Variants in PTPRD observed in about 807,000 individuals in gnomAD.
The protein encoded by PTPRD is protein tyrosine phosphatase receptor type D, also known as receptor-type tyrosine-protein phosphatase delta.
Under a neutral mutation model 214.5 loss-of-function variants are expected in PTPRD, and 34 were observed. The observed-to-expected ratio is 0.16, with a 90% CI of 0.12 to 0.21. The LOEUF is 0.21. PTPRD is among the 10% of genes least tolerant of loss of function. The probability of loss-of-function intolerance (pLI) is 1.00; values close to 1 mark genes in which losing one functional copy is unlikely to be tolerated. For missense variants in PTPRD, 2,545 were observed against 2,398.7 expected (o/e 1.06, Z -1.27); for synonymous variants, 1,128 against 845.7 (o/e 1.33, Z -5.79).
intron 3 of PTPRD, among the ~76,000 whole-genome samples, chr9:10,324,076 T>G (rs1302320306): frequency 1.3e-5 from 2 of 152,058 alleles, no homozygotes; most frequent in African/African-American, 4.8e-5. Flanking sequence ...TTTCTTTAAA[T>G]AAAGCAAACC....
intron 10 of PTPRD, among the ~76,000 whole-genome samples, chr9:9,024,315 G>A (rs1481632918): frequency 1.4e-5 from 2 of 146,376 alleles, no homozygotes; most frequent in Non-Finnish European, 3.0e-5. Context: ...TAGACCTGTC[G>A]AAAAGGCTAT....
chr9:10,607,690 G>T (rs2079824100), intron 2 of PTPRD, among the ~76,000 whole-genome samples: 1 of 150,236 alleles, frequency 6.7e-6, no homozygotes, highest in African/African-American at 2.4e-5. Context: ...TTTCCTAGAA[G>T]AAAAAAAAAG....
intron 3 of PTPRD, among the ~76,000 whole-genome samples, chr9:10,328,598 G>T (rs549818533): frequency 6.6e-6 from 1 of 151,838 alleles, no homozygotes; most frequent in South Asian, 2.1e-4. Flanking sequence ...GTTTTCCCGA[G>T]ACTTTGAATG....
In PTPRD at chr9:10,329,759, A is replaced by C. The variant is rs147728723; in HGVS notation, c.-545+11204T>G. Among the ~76,000 whole-genome samples, 1,262 of 152,018 alleles carry C rather than the reference A, an allele frequency of 8.3e-3. 6 individuals carry two copies. The highest frequency in any genetic ancestry group is 0.011 in the Non-Finnish European group (751 of 67,884). ...ACTTACTACAGTGATATTCTTTCAC[A>C]ATATTGAGTTCATGCTACATATGCC... On this transcript the variant is annotated intron_variant, in intron 3 of 45. Coordinates refer to ENST00000381196, the MANE Select transcript of PTPRD (RefSeq NM_002839.4).
At position 8,601,679 on chromosome 9, in the gene PTPRD, T is replaced by C. The variant is rs569318878; in HGVS notation, c.352+31638A>G. On this transcript the variant is annotated intron_variant, in intron 14 of 45. Coordinates refer to ENST00000381196, the MANE Select transcript of PTPRD (RefSeq NM_002839.4). ...CAAGTCTCCAAGAACCACTGTGCTA[T>C]TGGGGTTGGGATGCTACTGATGGCA... Among the ~76,000 whole-genome samples the C allele has an allele frequency of 1.1e-3, 164 of 152,310 alleles. 3 individuals are homozygous for C. The highest frequency in any genetic ancestry group is 3.8e-3 in the African/African-American group (157 of 41,574).
At chr9:10,467,391 C>T (rs1218274891) in intron 2 of PTPRD, among the ~76,000 whole-genome samples, 1 of 152,050 alleles carries the variant, frequency 6.6e-6, no homozygotes, top group Non-Finnish European at 1.5e-5. Context: ...ATGATGATAA[C>T]CAAAATTATT....
At chr9:10,521,657 C>T (rs1204829838) in intron 2 of PTPRD, among the ~76,000 whole-genome samples, 1 of 152,086 alleles carries the variant, frequency 6.6e-6, no homozygotes, top group Non-Finnish European at 1.5e-5. Flanking sequence ...CACAGCCATC[C>T]ACCCTAACCT....
chr9:9,400,092 GT>G (rs3048790), intron 8 of PTPRD, among the ~76,000 whole-genome samples: 6,164 of 100,936 alleles, frequency 0.061, 225 homozygotes, highest in East Asian at 0.29. Flanking sequence ...TTACCTACTA[GT>G]TTTTTTTTTT....
At chr9:9,674,126 T>C (rs200859614) in intron 7 of PTPRD, among the ~76,000 whole-genome samples, 7 of 151,878 alleles carry the variant, frequency 4.6e-5, no homozygotes, top group South Asian at 4.1e-4. Flanking sequence ...CTGTGTAAAA[T>C]AGTATATTTG....
At chr9:9,916,868 A>C (rs1369421762) in intron 5 of PTPRD, among the ~76,000 whole-genome samples, 1 of 152,002 alleles carries the variant, frequency 6.6e-6, no homozygotes. Context: ...AATCATATCA[A>C]GTATCCCATT....
At chr9:10,554,923 G>A (rs561797924) in intron 2 of PTPRD, among the ~76,000 whole-genome samples, 4 of 152,334 alleles carry the variant, frequency 2.6e-5, no homozygotes, top group Admixed American at 6.5e-5. Context: ...GCCTCCCAAA[G>A]TGCTGGGATT....
At chr9:10,346,490 C>CA (rs1373449983) in intron 2 of PTPRD, among the ~76,000 whole-genome samples, 4 of 152,038 alleles carry the variant, frequency 2.6e-5, no homozygotes, top group Admixed American at 2.6e-4. Flanking sequence ...AATTTAATAT[C>CA]AAAAAACTAT....
At chr9:8,552,564 T>C (rs1027490508) in intron 14 of PTPRD, among the ~76,000 whole-genome samples, 3 of 152,098 alleles carry the variant, frequency 2.0e-5, no homozygotes, top group Non-Finnish European at 4.4e-5. Context: ...AGGAGAAGAT[T>C]CATGATGAAC....
chr9:9,476,229 A>AGAGGT (rs1207805398), intron 8 of PTPRD, among the ~76,000 whole-genome samples: 1 of 152,162 alleles, frequency 6.6e-6, no homozygotes, highest in African/African-American at 2.4e-5. Flanking sequence ...TTGATGTATA[A>AGAGGT]ACTCCTGCCA....
intron 11 of PTPRD, among the ~76,000 whole-genome samples, chr9:8,750,612 C>G (rs2093423293): frequency 6.6e-6 from 1 of 152,132 alleles, no homozygotes. Flanking sequence ...GCATGTAAGC[C>G]TGAACCTGAA....
At chr9:9,774,172 A>C (rs2154484471) in intron 5 of PTPRD, among the ~76,000 whole-genome samples, 1 of 152,302 alleles carries the variant, frequency 6.6e-6, no homozygotes, top group East Asian at 1.9e-4. Context: ...CGCAGCTAGA[A>C]ATGATGAATC....
chr9:9,994,360 G>A (rs1032330452), intron 4 of PTPRD, among the ~76,000 whole-genome samples: 4 of 152,052 alleles, frequency 2.6e-5, no homozygotes, highest in East Asian at 1.9e-4. Context: ...CAGCACCAAT[G>A]TACTTTATTA....
At chr9:9,673,320 G>A (rs2821477) in intron 7 of PTPRD, among the ~76,000 whole-genome samples, 70,474 of 151,638 alleles carry the variant, frequency 0.46, 16,904 homozygotes, top group African/African-American at 0.51. Flanking sequence ...TGATATACTT[G>A]TAGCCTATAC....
intron 8 of PTPRD, among the ~76,000 whole-genome samples, chr9:9,564,895 T>G (rs992821597): frequency 1.0e-4 from 14 of 135,378 alleles, no homozygotes; most frequent in South Asian, 2.4e-4. Flanking sequence ...TTTTTTTTTT[T>G]TTTTTTTTTT....
Sources: gnomAD v4.1 joint callset for allele counts (sites outside exome capture counted in the v4.1 genomes callset) on GRCh38, gnomAD v4.1.1 for gene constraint, MANE v1.5 for transcripts, NCBI Gene and HGNC (gene_info 2026-07-23, HGNC 2026-07-21) for gene names.